Variants in TTI2 observed in about 807,000 individuals in gnomAD.
TTI2 encodes the protein TELO2 interacting protein 2, also known as TELO2-interacting protein 2.
Under a neutral mutation model 44.9 loss-of-function variants are expected in TTI2, and 26 were observed. That is an observed-to-expected ratio of 0.58 (90% CI 0.42 to 0.80). The LOEUF is 0.80. Ranked by LOEUF, TTI2 falls within the 30% of genes least tolerant of loss-of-function variation. The pLI is 0.00. For synonymous variants in TTI2, 254 were observed against 250.9 expected, an observed-to-expected ratio of 1.01 and a Z score of -0.12; for missense variants, 582 against 611.6, an observed-to-expected ratio of 0.95 and a Z score of 0.51.
At chr8:33,499,298 G>C (rs777550381) in intron 7 of TTI2, 21 bp from the exon 8 acceptor site, 1 of 1,558,730 alleles carries the variant, frequency 6.4e-7, no homozygotes, top group Non-Finnish European at 8.8e-7. Context: ...AAACCAAACA[G>C]GCTTTGATAT....
chr8:33,498,962 T>TC lies in TTI2; in HGVS notation c.*210dup. 1.7e-6 allele frequency: 1 copy of TC among 594,896 alleles called. No individual in the cohort carries two copies. The highest frequency in any genetic ancestry group is 2.1e-5 in the South Asian group (1 of 47,634). 36.9% of individuals were successfully genotyped at this position (594,896 alleles called of 1,614,324 possible). A position where few individuals can be genotyped will look rare whatever the true frequency, so the allele number is the denominator to read the frequency against. On this transcript the variant is annotated 3_prime_UTR_variant, in exon 8 of 8. Coordinates refer to ENST00000431156, the MANE Select transcript of TTI2 (RefSeq NM_001102401.4). ...TGCTACATTACTTGGTGTCCTTTTT[T>TC]CTCCCAAACTTTATTTAGAAATGGA...
At chr8:33,509,552 T>A (rs1809442094) in intron 3 of TTI2, among the ~76,000 whole-genome samples, 194 bp downstream of exon 3, 1 of 152,214 alleles carries the variant, frequency 6.6e-6, no homozygotes, top group Non-Finnish European at 1.5e-5. Flanking sequence ...TGCCTTCCTG[T>A]TTCTTCTATA....
Position 33,509,854 on chromosome 8 carries a change from G to C in TTI2, c.726C>G (p.Ser242Arg). 1 of 1,613,932 alleles carries C rather than the reference G, an allele frequency of 6.2e-7. No individual in the cohort carries two copies. Among genetic ancestry groups the C allele is most frequent in the Non-Finnish European group, 8.5e-7 (1 of 1,179,980 alleles). Residue 242 changes from serine (S) to arginine (R), a missense_variant, in exon 3 of 8, where the codon AGC becomes AGG. By Grantham distance (110) the Ser-to-Arg change is moderately radical. Coordinates refer to ENST00000431156, the MANE Select transcript of TTI2 (RefSeq NM_001102401.4). Reference protein sequence around the residue: ...TLQQVTRPWLSQHLERVLPAS... With the variant: ...TLQQVTRPWLRQHLERVLPAS... ...CGGGAAGTACCCTTTCCAGATGCTG[G>C]CTCAGCCAGGGCCGAGTGACCTGTT...
At position 33,500,446 on chromosome 8, in the gene TTI2, A is replaced by G; in HGVS notation, c.1304T>C (p.Leu435Pro). 6.2e-7 allele frequency: 1 copy of G among 1,614,124 alleles called. No individual in the cohort carries two copies. Among genetic ancestry groups the G allele is most frequent in the East Asian group, 2.2e-5 (1 of 44,884 alleles). The part of the protein sequence containing the change: ...LVVLLKALLK[L>P]ICDVARDPNL... ...TGGATCCCTTGCTACATCACAAATC[A>G]GTTTCAAGAGGGCCTTCAGTAAGAC... is the stretch of plus-strand genomic sequence containing the variant. The change falls in exon 7 of 8, where the codon CTG becomes CCG. Residue 435 changes from leucine (L) to proline (P), a missense_variant. Transcript: ENST00000431156.
chr8:33,500,593 A>G (rs1224365530), intron 6 of TTI2, 103 bp from the exon 7 acceptor site: 2 of 1,403,720 alleles, frequency 1.4e-6, no homozygotes, highest in African/African-American at 2.9e-5. Context: ...TTCCTAAATT[A>G]AGGAACTTAG....
intron 2 of TTI2, among the ~76,000 whole-genome samples, chr8:33,510,538 G>A (rs375042425): frequency 4.6e-5 from 7 of 152,030 alleles, no homozygotes; most frequent in African/African-American, 7.2e-5. Context: ...CACCATACCC[G>A]GATAATTTTT....
intron 2 of TTI2, among the ~76,000 whole-genome samples, chr8:33,511,375 G>T (rs1809521565): frequency 6.6e-6 from 1 of 152,012 alleles, no homozygotes; most frequent in South Asian, 2.1e-4. Context: ...AAGTAAGTGG[G>T]ACAGAATTTC....
rs566285637 is a variant in TTI2, at chr8:33,512,244, A to G, written c.370T>C (p.Leu124=). ...AQVGLLFLKL[L]GKVETAKNSL... ...TTCTTAGCAGTCTCAACTTTCCCTA[A>G]CAGTTTAAGAAACAGTAACCCAACT... Residue 124 remains leucine (L), a synonymous_variant, in exon 2 of 8, where the codon TTA becomes CTA. Coordinates refer to ENST00000431156, the MANE Select transcript of TTI2 (RefSeq NM_001102401.4). 5.3e-5 allele frequency: 86 copies of G among 1,614,146 alleles called. No individual in the cohort carries two copies. In the South Asian group the frequency reaches 8.7e-4, roughly 16 times the overall value.
At chr8:33,510,204 T>C (rs1320318757) in intron 2 of TTI2, among the ~76,000 whole-genome samples, 1 of 152,016 alleles carries the variant, frequency 6.6e-6, no homozygotes, top group African/African-American at 2.4e-5. Flanking sequence ...CATAAAGGAC[T>C]TATGGTGATG....
chr8:33,509,580 T>C (rs1439495070), intron 3 of TTI2, among the ~76,000 whole-genome samples, 166 bp downstream of exon 3: 1 of 152,070 alleles, frequency 6.6e-6, no homozygotes, highest in African/African-American at 2.4e-5. Context: ...TTTTAGTTAT[T>C]ACATTACCTA....
In TTI2 at chr8:33,503,950, T is replaced by C. The variant is rs763250734; in HGVS notation, c.928-15A>G. On this transcript the variant is annotated splice_polypyrimidine_tract_variant and intron_variant, in intron 4 of 7. Transcript: ENST00000431156. ...AGGAGCACAGCCTAGGAGGAAGGAA[T>C]GGAAGGACGGTGCATAGTTCATCCA... is the stretch of plus-strand genomic sequence containing the variant. 1.2e-6 allele frequency: 2 copies of C among 1,613,698 alleles called. No individual in the cohort carries two copies. Among genetic ancestry groups the C allele is most frequent in the Non-Finnish European group, 1.7e-6 (2 of 1,179,876 alleles).
intron 2 of TTI2, among the ~76,000 whole-genome samples, chr8:33,510,604 T>C (rs1315293574): frequency 6.6e-6 from 1 of 152,178 alleles, no homozygotes; most frequent in Non-Finnish European, 1.5e-5. Context: ...CCTGAATTCC[T>C]GGCCTCAAGT....
chr8:33,508,737 AG>A (rs1344302637), intron 3 of TTI2, among the ~76,000 whole-genome samples: 1 of 151,888 alleles, frequency 6.6e-6, no homozygotes, highest in Non-Finnish European at 1.5e-5. Flanking sequence ...ATATTTTAAA[AG>A]CTCCATAGTA....
intron 6 of TTI2, chr8:33,501,049 A>G (rs1428548297): frequency 6.5e-6 from 1 of 154,688 alleles, no homozygotes; most frequent in African/African-American, 2.4e-5. Context: ...TCGCCTTGGT[A>G]AAGCTCCAGA....
intron 6 of TTI2, among the ~76,000 whole-genome samples, chr8:33,502,897 A>T (rs1228776378): frequency 1.3e-5 from 2 of 151,976 alleles, no homozygotes; most frequent in African/African-American, 4.8e-5. Flanking sequence ...TGGGAGGCCA[A>T]GGCGGGTGGA....
chr8:33,504,240 T>C (rs1296584051), intron 4 of TTI2, among the ~76,000 whole-genome samples: 3 of 151,268 alleles, frequency 2.0e-5, no homozygotes, highest in Non-Finnish European at 4.4e-5. Context: ...AAGTCTACTG[T>C]TACTATGTCA....
chr8:33,511,993 T>C lies in TTI2; in HGVS notation c.621A>G (p.Leu207=). The part of the protein sequence containing the change: ...EDEKGRLSVI[L]GLLKPDLYKE... ...TATACAAGTCGGGTTTGAGAAGCCC[T>C]AGTATCACCGAAAGTCTCCCTTTCT... The change falls in exon 2 of 8, where the codon CTA becomes CTG. Residue 207 remains leucine, a synonymous_variant. Transcript: ENST00000431156. 1 of 1,614,220 alleles carries C rather than the reference T, an allele frequency of 6.2e-7. No individual in the cohort carries two copies. Among genetic ancestry groups the C allele is most frequent in the Non-Finnish European group, 8.5e-7 (1 of 1,180,038 alleles).
At chr8:33,503,606 A>G (rs1161891065) in intron 5 of TTI2, 34 bp from the exon 6 acceptor site, 2 of 1,612,398 alleles carry the variant, frequency 1.2e-6, no homozygotes, top group Non-Finnish European at 1.7e-6. Flanking sequence ...ACGCCAGTGC[A>G]GTGGCTCATG....
intron 2 of TTI2, 145 bp downstream of exon 2, chr8:33,511,822 G>C: frequency 1.1e-6 from 1 of 890,212 alleles, no homozygotes; most frequent in South Asian, 1.6e-5. Flanking sequence ...CCAGGAGGCG[G>C]AGGTTGCAGT....
Sources: allele counts gnomAD v4.1 joint callset (sites outside exome capture counted in the v4.1 genomes callset), GRCh38; gene constraint gnomAD v4.1.1; transcripts MANE v1.5; gene names NCBI Gene and HGNC (gene_info 2026-07-23, HGNC 2026-07-21).